IL1R2: variants seen among roughly 807,000 people sequenced by gnomAD.
IL1R2 encodes the protein interleukin 1 receptor type 2, also known as interleukin-1 receptor type 2.
A neutral mutation model predicts 39.5 loss-of-function variants in IL1R2; 46 were observed. That is an observed-to-expected ratio of 1.16 (90% CI 0.92 to 1.49). The LOEUF is 1.49. Ranked by LOEUF, IL1R2 falls within the 40% of genes most tolerant of loss-of-function variation. The pLI is 0.00. For synonymous variants in IL1R2, 207 were observed against 189.6 expected, an observed-to-expected ratio of 1.09 and a Z score of -0.75; for missense variants, 537 against 502.0, an observed-to-expected ratio of 1.07 and a Z score of -0.67.
At chr2:102,021,989 G>C (rs1051962291) in intron 5 of IL1R2, 198 bp from the exon 6 acceptor site, 2 of 573,430 alleles carry the variant, frequency 3.5e-6, no homozygotes, top group African/African-American at 3.8e-5. Flanking sequence ...TCCAGTAATT[G>C]CTCTGCTGGG....
At chr2:102,026,369 C>A in intron 8 of IL1R2, 116 bp downstream of exon 8, 2 of 860,706 alleles carry the variant, frequency 2.3e-6, no homozygotes, top group Non-Finnish European at 3.4e-6. Flanking sequence ...CTTGCATTGT[C>A]TGCTAGTGGA....
intron 5 of IL1R2, among the ~76,000 whole-genome samples, chr2:102,020,509 TCA>T (rs1677310813): frequency 2.6e-5 from 4 of 152,204 alleles, no homozygotes; most frequent in Non-Finnish European, 5.9e-5. Context: ...TGAATAATGA[TCA>T]CAACTGGGGT....
At chr2:102,013,552 AGGAAAGAAAGAAAAGAAAAGAAGG>A (rs1559421408) in intron 3 of IL1R2, among the ~76,000 whole-genome samples, 38 of 90,056 alleles carry the variant, frequency 4.2e-4, no homozygotes, top group Admixed American at 5.6e-4. Flanking sequence ...AAAAAAAAAA[AGGAAAGAAAGAAAAGAAAAGAAGG>A]AAAAGAAAAA....
chr2:102,002,953 T>C (rs1675993044), intron 1 of IL1R2, among the ~76,000 whole-genome samples: 1 of 151,668 alleles, frequency 6.6e-6, no homozygotes, highest in African/African-American at 2.4e-5. Flanking sequence ...TGTCTGTGCC[T>C]ATGTCTGTGT....
chr2:102,008,643 G>A lies in IL1R2; in HGVS notation c.67+1G>A, dbSNP rs1406073850. The A allele has an allele frequency of 6.2e-7, 1 of 1,613,252 alleles. No homozygotes were observed. On this transcript the variant is annotated splice_donor_variant, in intron 2 of 8. Coordinates refer to ENST00000332549, the MANE Select transcript of IL1R2 (RefSeq NM_004633.4). LOFTEE classifies it high-confidence loss of function. ...ACCCTTCAGCCTGCGGCACACACAGGTTAGAAGTAAACCTTTCAGATGCAA... is the reference window on the plus strand; with the variant it reads ...ACCCTTCAGCCTGCGGCACACACAGATTAGAAGTAAACCTTTCAGATGCAA...
At chr2:101,999,404 A>G (rs1675739334) in intron 1 of IL1R2, among the ~76,000 whole-genome samples, 1 of 152,238 alleles carries the variant, frequency 6.6e-6, no homozygotes, top group Admixed American at 6.5e-5. Context: ...GCAGAGCTGG[A>G]AGTCCAGTTC....
Position 102,008,635 on chromosome 2 carries a change from A to C in IL1R2, c.60A>C (p.Ala20=). The C allele has an allele frequency of 6.2e-7, 1 of 1,613,808 alleles. No individual in the cohort carries two copies. Among genetic ancestry groups the C allele is most frequent in the Non-Finnish European group, 8.5e-7 (1 of 1,179,722 alleles). Residue 20 remains alanine (A), a synonymous_variant, in exon 2 of 9, where the codon GCA becomes GCC. Transcript: ENST00000332549. ...CTGCCTTCACCCTTCAGCCTGCGGC[A>C]CACACAGGTTAGAAGTAAACCTTTC... ...GVSAFTLQPA[A]HTGAARSCRF...
chr2:102,002,786 ATATCTG>A (rs1675971341), intron 1 of IL1R2, among the ~76,000 whole-genome samples: 2 of 149,224 alleles, frequency 1.3e-5, no homozygotes, highest in Admixed American at 6.7e-5. Context: ...ATCTATATCT[ATATCTG>A]TATCTATATC....
intron 3 of IL1R2, among the ~76,000 whole-genome samples, chr2:102,013,942 T>C (rs953802189): frequency 6.6e-6 from 1 of 152,144 alleles, no homozygotes; most frequent in African/African-American, 2.4e-5. Flanking sequence ...CTGGGCCTAT[T>C]TGGTGAGCAG....
chr2:102,026,422 G>A (rs1380756561), intron 8 of IL1R2, among the ~76,000 whole-genome samples, 169 bp downstream of exon 8: 1 of 152,198 alleles, frequency 6.6e-6, no homozygotes, highest in African/African-American at 2.4e-5. Context: ...TTTTGGTAGG[G>A]TGGAGGCTGG....
chr2:102,008,418 T>C (rs572762027), intron 1 of IL1R2, 97 bp from the exon 2 acceptor site: 1 of 651,116 alleles, frequency 1.5e-6, no homozygotes, highest in South Asian at 1.8e-5. Context: ...GTTCCCATTA[T>C]CCAGTGAAGC....
chr2:102,022,224 C>A lies in IL1R2; in HGVS notation c.726C>A (p.Pro242=), dbSNP rs373531762. 2.2e-5 allele frequency: 36 copies of A among 1,613,732 alleles called. No homozygotes were observed. Among genetic ancestry groups the A allele is most frequent in the Middle Eastern group, 1.6e-4 (1 of 6,080 alleles). The part of the protein sequence containing the change: ...KEETIPVIIS[P]LKTISASLGS... The stretch of plus-strand genomic sequence containing the variant: ...AGACCATTCCTGTGATCATTTCCCC[C>A]CTCAAGACCATATCAGCTTCTCTGG... The change falls in exon 6 of 9, where the codon CCC becomes CCA. Residue 242 remains proline, a synonymous_variant. Coordinates refer to ENST00000332549, the MANE Select transcript of IL1R2 (RefSeq NM_004633.4).
chr2:102,008,322 G>A (rs566021175), intron 1 of IL1R2, among the ~76,000 whole-genome samples, 193 bp from the exon 2 acceptor site: 19 of 152,350 alleles, frequency 1.2e-4, no homozygotes, highest in East Asian at 7.7e-4. Context: ...ACAAGGATTC[G>A]ACTTTAGATA....
At chr2:102,012,299 G>T (rs1252443642) in intron 3 of IL1R2, among the ~76,000 whole-genome samples, 2 of 152,178 alleles carry the variant, frequency 1.3e-5, no homozygotes, top group Non-Finnish European at 2.9e-5. Context: ...GGCACTGCTT[G>T]CTCCTTCCAC....
chr2:102,027,075 G>A (rs1268793513), intron 8 of IL1R2, among the ~76,000 whole-genome samples: 5 of 152,164 alleles, frequency 3.3e-5, no homozygotes, highest in African/African-American at 4.8e-5. Flanking sequence ...CCAACTGTGC[G>A]CTGTGCACCA....
intron 5 of IL1R2, among the ~76,000 whole-genome samples, chr2:102,021,379 G>A (rs974894123): frequency 4.0e-5 from 6 of 149,296 alleles, no homozygotes; most frequent in Non-Finnish European, 7.4e-5. Context: ...GCAATGGCGC[G>A]ATCTCGGCTC....
chr2:102,009,538 G>C (rs1676480751), intron 2 of IL1R2, 24 bp from the exon 3 acceptor site: 1 of 1,609,492 alleles, frequency 6.2e-7, no homozygotes, highest in Non-Finnish European at 8.5e-7. Flanking sequence ...CCCAAAGCCT[G>C]ACCATGGGCT....
intron 4 of IL1R2, among the ~76,000 whole-genome samples, chr2:102,016,766 A>C (rs1677027787): frequency 6.6e-6 from 1 of 152,238 alleles, no homozygotes; most frequent in African/African-American, 2.4e-5. Context: ...GATGATTTAA[A>C]GTATATGGGA....
In IL1R2 at chr2:102,026,137, ACATTGAAGTGC is replaced by A. The variant is rs754263352; in HGVS notation, c.921_931del (p.Glu307AspfsTer3). On this transcript the variant is annotated frameshift_variant, in exon 8 of 9. Coordinates refer to ENST00000332549, the MANE Select transcript of IL1R2 (RefSeq NM_004633.4). LOFTEE classifies it high-confidence loss of function. ...GAATATTCAGAAAATAATGAGAACT[ACATTGAAGTGC>A]CATTGATTTTTGATCCTGTCACAAG... 354 of 1,608,360 alleles carry A rather than the reference ACATTGAAGTGC, an allele frequency of 2.2e-4. No individual in the cohort carries two copies. The highest frequency in any genetic ancestry group is 2.8e-4 in the Non-Finnish European group (332 of 1,176,012).
Sources: gnomAD v4.1 joint callset for allele counts (sites outside exome capture counted in the v4.1 genomes callset) on GRCh38, gnomAD v4.1.1 for gene constraint, MANE v1.5 for transcripts, NCBI Gene and HGNC (gene_info 2026-07-23, HGNC 2026-07-21) for gene names.